Variants in EXD3 observed in about 807,000 individuals in gnomAD.
EXD3 encodes exonuclease 3'-5' domain containing 3.
EXD3 carries 92 observed loss-of-function variants against 98.0 expected under a neutral mutation model. The observed-to-expected ratio is 0.94, with a 90% CI of 0.79 to 1.12. The LOEUF (loss-of-function observed/expected upper bound fraction) is 1.12. Ranked by LOEUF, EXD3 falls within the 50% of genes most tolerant of loss-of-function variation. EXD3 has a pLI of 0.00. For synonymous variants in EXD3, 569 were observed against 526.0 expected (o/e 1.08, Z -1.12); for missense variants, 1,222 against 1,191.6 (o/e 1.03, Z -0.38).
At chr9:137,384,701 A>G (rs1031370724) in intron 2 of EXD3, among the ~76,000 whole-genome samples, 2 of 152,270 alleles carry the variant, frequency 1.3e-5, no homozygotes, top group African/African-American at 4.8e-5. Context: ...TGCTCAGCAC[A>G]AGCCAAAATG....
intron 5 of EXD3, among the ~76,000 whole-genome samples, chr9:137,368,664 C>T (rs1270588740): frequency 6.6e-6 from 1 of 152,256 alleles, no homozygotes; most frequent in Non-Finnish European, 1.5e-5. Context: ...CCCGCCCCCG[C>T]GCAGCCCAGA....
At chr9:137,366,454 G>A (rs1297446735) in intron 7 of EXD3, 39 bp downstream of exon 7, 5 of 1,533,200 alleles carry the variant, frequency 3.3e-6, no homozygotes, top group Middle Eastern at 1.7e-4. Context: ...CTCCCAGGAT[G>A]CCATCTGGTG....
In EXD3 at chr9:137,306,913, C is replaced by A; in HGVS notation, c.*37G>T. Reference sequence around the variant, plus strand: ...AGCCAGTCCACGGCCATGGGCCCAGCAGTCGGGCACTTTCCATGTTTATTG... The same window carrying A: ...AGCCAGTCCACGGCCATGGGCCCAGAAGTCGGGCACTTTCCATGTTTATTG... On this transcript the variant is annotated 3_prime_UTR_variant, in exon 22 of 22. Transcript: ENST00000340951. 6.6e-7 allele frequency: 1 copy of A among 1,523,980 alleles called. No homozygotes were observed. The highest frequency in any genetic ancestry group is 8.8e-7 in the Non-Finnish European group (1 of 1,136,010). The allele number at this position is 1,523,980 out of a possible 1,614,324, so 94.4% of individuals were successfully genotyped here. A position where few individuals can be genotyped will look rare whatever the true frequency, so the allele number is the denominator to read the frequency against.
intron 8 of EXD3, among the ~76,000 whole-genome samples, chr9:137,355,012 TGGCCTCCCTCTGG>T (rs1437164213): frequency 6.6e-6 from 1 of 152,120 alleles, no homozygotes; most frequent in East Asian, 1.9e-4. Flanking sequence ...CCCTTTCGTC[TGGCCTCCCTCTGG>T]GGCCTCCCTG....
At chr9:137,381,411 T>G (rs1324337527) in intron 3 of EXD3, among the ~76,000 whole-genome samples, 1 of 108,850 alleles carries the variant, frequency 9.2e-6, no homozygotes, top group African/African-American at 3.8e-5. Context: ...ACAAGACTCC[T>G]TCTCAAAAAA....
intron 1 of EXD3, among the ~76,000 whole-genome samples, chr9:137,416,820 C>A (rs1418564935): frequency 1.3e-5 from 2 of 151,050 alleles, no homozygotes; most frequent in Non-Finnish European, 3.0e-5. Flanking sequence ...CGCAGGGGTG[C>A]TCTTGGAGGC....
chr9:137,398,718 CATCCCCAA>C, intron 1 of EXD3, among the ~76,000 whole-genome samples: 7 of 108,936 alleles, frequency 6.4e-5, no homozygotes, highest in Admixed American at 1.8e-4. Flanking sequence ...CGTGCACCCG[CATCCCCAA>C]GACACACAGG....
At chr9:137,337,602 G>T (rs577200734) in intron 17 of EXD3, among the ~76,000 whole-genome samples, 3 of 151,676 alleles carry the variant, frequency 2.0e-5, no homozygotes, top group Non-Finnish European at 4.4e-5. Flanking sequence ...AGTGAGCCGA[G>T]ATTTCGCCAC....
intron 17 of EXD3, among the ~76,000 whole-genome samples, chr9:137,345,152 C>G (rs1232817039): frequency 6.6e-6 from 1 of 152,276 alleles, no homozygotes; most frequent in Non-Finnish European, 1.5e-5. Context: ...CTGGATGTGA[C>G]AGGCACTTTG....
chr9:137,356,277 C>T lies in EXD3; in HGVS notation c.748G>A (p.Val250Ile), dbSNP rs201678237. 481 of 1,599,334 alleles carry T rather than the reference C, an allele frequency of 3.0e-4. 1 individual carries two copies. Among genetic ancestry groups the T allele is most frequent in the Non-Finnish European group, 3.5e-4 (408 of 1,174,128 alleles). ...TGGGGGCTGGACTCACCTGGGGCTA[C>T]GCCGTACCGCTCCTGCAGACGCAAG... is the stretch of plus-strand genomic sequence containing the variant. Reference protein sequence around the residue: ...QVLRLQERYGVAPALCPNAAI... With the variant: ...QVLRLQERYGIAPALCPNAAI... The change falls in exon 8 of 22, where the codon GTA becomes ATA. Residue 250 changes from valine to isoleucine, a missense_variant. By Grantham distance (29) the Val-to-Ile change is conservative. Coordinates refer to ENST00000340951, the MANE Select transcript of EXD3 (RefSeq NM_017820.5).
intron 1 of EXD3, among the ~76,000 whole-genome samples, chr9:137,412,110 C>T (rs1838033734): frequency 6.6e-6 from 1 of 152,214 alleles, no homozygotes; most frequent in Non-Finnish European, 1.5e-5. Context: ...GAGGGCCCTG[C>T]AGCCGCCACC....
chr9:137,368,557 G>C (rs1010301785), intron 5 of EXD3, among the ~76,000 whole-genome samples: 3 of 152,216 alleles, frequency 2.0e-5, no homozygotes, highest in Admixed American at 6.5e-5. Context: ...CCGCCTGCAC[G>C]TACCACGGGC....
intron 7 of EXD3, chr9:137,365,671 C>G (rs1385760547): frequency 3.9e-6 from 1 of 257,812 alleles, no homozygotes; most frequent in Non-Finnish European, 7.6e-6. Context: ...CACACGCACA[C>G]ACATGCACAG....
chr9:137,340,003 A>G (rs956486662), intron 17 of EXD3, among the ~76,000 whole-genome samples: 3 of 152,226 alleles, frequency 2.0e-5, no homozygotes, highest in African/African-American at 7.2e-5. Flanking sequence ...CAACCAATTC[A>G]GTAAGAGCCA....
chr9:137,309,836 C>T (rs1173810313), intron 19 of EXD3, 136 bp from the exon 20 acceptor site: 1 of 665,828 alleles, frequency 1.5e-6, no homozygotes, highest in African/African-American at 1.8e-5. Context: ...CCCCTCCTGT[C>T]CCCACGCATA....
In EXD3 at chr9:137,405,393, A is replaced by C. The variant is rs549596107; in HGVS notation, c.-47-9989T>G. On this transcript the variant is annotated intron_variant, in intron 1 of 21. Coordinates refer to ENST00000340951, the MANE Select transcript of EXD3 (RefSeq NM_017820.5). This position sits in a 1 kb window ranked among gnomAD's most constrained non-coding sequence, Gnocchi z 4.1. ...CGGGGGCAGGGTGGGCCCCCCACAC[A>C]GGTCCTGGACTCATTCGTGCTGGTG... Among the ~76,000 whole-genome samples, 3 of 152,346 alleles carry C rather than the reference A, an allele frequency of 2.0e-5. No individual in the cohort carries two copies. The East Asian group carries it at 5.8e-4, about 29-fold the overall frequency.
intron 8 of EXD3, among the ~76,000 whole-genome samples, chr9:137,355,520 AGGAGGAT>A (rs1834638191): frequency 7.4e-4 from 28 of 37,694 alleles, no homozygotes; most frequent in South Asian, 2.0e-3. Flanking sequence ...GGAAGGAGGA[AGGAGGAT>A]GGAGGAAGGA....
chr9:137,382,360 G>A (rs1386784598), intron 3 of EXD3, among the ~76,000 whole-genome samples: 1 of 151,930 alleles, frequency 6.6e-6, no homozygotes, highest in Non-Finnish European at 1.5e-5. Context: ...AAAGGACAGT[G>A]GAATCCCACA....
In EXD3 at chr9:137,403,345, C is replaced by A. The variant is rs922538917; in HGVS notation, c.-47-7941G>T. On this transcript the variant is annotated intron_variant, in intron 1 of 21. Coordinates refer to ENST00000340951, the MANE Select transcript of EXD3 (RefSeq NM_017820.5). The surrounding 1 kb of genome is among the most constrained non-coding windows in gnomAD (Gnocchi z 6.1). ...CCAGGAAAAAGCCCTCCCAGCCGCACCTGCCAGCCACTGAGTTTGGGGGCA... is the reference window on the plus strand; with the variant it reads ...CCAGGAAAAAGCCCTCCCAGCCGCAACTGCCAGCCACTGAGTTTGGGGGCA... Among the ~76,000 whole-genome samples, 3 of 152,066 alleles carry A rather than the reference C, an allele frequency of 2.0e-5. No homozygotes were observed. The highest frequency in any genetic ancestry group is 4.4e-5 in the Non-Finnish European group (3 of 68,000).
Sources: allele counts gnomAD v4.1 joint callset (sites outside exome capture counted in the v4.1 genomes callset), GRCh38; gene constraint gnomAD v4.1.1; non-coding constraint Gnocchi (gnomAD v3.1); transcripts MANE v1.5; gene names NCBI Gene and HGNC (gene_info 2026-07-23, HGNC 2026-07-21).